The following RORA variants were observed in gnomAD, a reference collection of about 807,000 sequenced individuals.
The protein encoded by RORA is nuclear receptor ROR-alpha.
In RORA, 7 loss-of-function variants were observed where a neutral mutation model predicts 69.5. That is an observed-to-expected ratio of 0.10 (90% confidence interval 0.06 to 0.19). RORA has a LOEUF of 0.19. Among genes scored for constraint, RORA ranks in the 10% least tolerant of loss-of-function variants. The pLI is 1.00. For synonymous variants in RORA, 261 were observed against 240.8 expected (o/e 1.08, Z -0.78); for missense variants, 457 against 663.0 (o/e 0.69, Z 3.41).
At chr15:61,022,926 T>C (rs1895610446) in intron 1 of RORA, among the ~76,000 whole-genome samples, 2 of 152,088 alleles carry the variant, frequency 1.3e-5, no homozygotes, top group Non-Finnish European at 1.5e-5. Context: ...GGCCCACACC[T>C]GCAATCCCAG....
intron 1 of RORA, among the ~76,000 whole-genome samples, chr15:61,201,351 T>C (rs1567035309): frequency 6.6e-6 from 1 of 152,192 alleles, no homozygotes; most frequent in African/African-American, 2.4e-5. Context: ...AGGCCTGGGT[T>C]AGGGGAGTCA....
intron 2 of RORA, among the ~76,000 whole-genome samples, chr15:60,609,794 G>A (rs1406411245): frequency 6.6e-6 from 1 of 152,200 alleles, no homozygotes; most frequent in African/African-American, 2.4e-5. Flanking sequence ...CTGGGAAAGT[G>A]GGGACAGAGA....
intron 2 of RORA, among the ~76,000 whole-genome samples, chr15:60,566,560 G>T (rs990682489): frequency 2.6e-5 from 4 of 152,144 alleles, no homozygotes; most frequent in African/African-American, 9.7e-5. Flanking sequence ...AATAAAGTTG[G>T]GTTCCTAGCC....
intron 2 of RORA, among the ~76,000 whole-genome samples, chr15:60,543,559 A>T (rs151113629): frequency 0.022 from 3,409 of 151,912 alleles, 113 homozygotes; most frequent in African/African-American, 0.07. Context: ...GCTCACTGCA[A>T]CCTCCACTTC....
At chr15:61,090,867 C>T (rs578024120) in intron 1 of RORA, among the ~76,000 whole-genome samples, 154 of 152,094 alleles carry the variant, frequency 1.0e-3, no homozygotes, top group African/African-American at 3.6e-3. Context: ...AAACGCCCCC[C>T]AAAATTCACC....
chr15:60,635,440 T>A (rs953743090), intron 2 of RORA, among the ~76,000 whole-genome samples: 1 of 152,184 alleles, frequency 6.6e-6, no homozygotes, highest in Non-Finnish European at 1.5e-5. Context: ...GTTCTAGATA[T>A]TTAAAAAATA....
intron 1 of RORA, among the ~76,000 whole-genome samples, chr15:60,906,744 C>T (rs777107523): frequency 6.6e-6 from 1 of 152,094 alleles, no homozygotes; most frequent in African/African-American, 2.4e-5. Flanking sequence ...ATGGATACTA[C>T]GGCCACGGTG....
intron 1 of RORA, among the ~76,000 whole-genome samples, chr15:61,166,097 G>A (rs1308599255): frequency 2.0e-5 from 3 of 152,208 alleles, no homozygotes; most frequent in Non-Finnish European, 4.4e-5. Flanking sequence ...CCCAATGAAA[G>A]GATATTCCAG....
At chr15:61,081,001 A>G (rs1032223887) in intron 1 of RORA, among the ~76,000 whole-genome samples, 2 of 152,222 alleles carry the variant, frequency 1.3e-5, no homozygotes, top group Non-Finnish European at 2.9e-5. Flanking sequence ...CTCTGGGTCC[A>G]GAGACATTTT....
At chr15:60,574,743 C>A (rs1342926968) in intron 2 of RORA, among the ~76,000 whole-genome samples, 1 of 152,160 alleles carries the variant, frequency 6.6e-6, no homozygotes, top group Non-Finnish European at 1.5e-5. Context: ...TTATTATCAT[C>A]TTTATTTGAT....
At chr15:60,692,104 AT>A (rs2070836123) in intron 1 of RORA, among the ~76,000 whole-genome samples, 1 of 152,204 alleles carries the variant, frequency 6.6e-6, no homozygotes. Context: ...GAGTTTAACA[AT>A]TTCTCTCCTA....
chr15:60,676,129 G>T (rs1247942239), intron 2 of RORA, among the ~76,000 whole-genome samples: 1 of 152,136 alleles, frequency 6.6e-6, no homozygotes, highest in Non-Finnish European at 1.5e-5. Flanking sequence ...AAACGTATAG[G>T]CAAGTTAGGA....
intron 1 of RORA, among the ~76,000 whole-genome samples, chr15:61,180,857 G>A (rs2079678307): frequency 6.6e-6 from 1 of 152,150 alleles, no homozygotes; most frequent in Admixed American, 6.5e-5. Flanking sequence ...CCAGAACTTT[G>A]GGAGGCCAAA....
At position 61,227,722 on chromosome 15, in the gene RORA, A is replaced by T. The variant is rs562039337; in HGVS notation, c.166+1331T>A. On this transcript the variant is annotated intron_variant, in intron 1 of 10. Transcript: ENST00000335670. ...CCAACCGCCGCCAGAAGCCGAGTGCAAGAGGAGGGGGCGCGCTGGGCCGGT... is the reference window on the plus strand; with the variant it reads ...CCAACCGCCGCCAGAAGCCGAGTGCTAGAGGAGGGGGCGCGCTGGGCCGGT... Among the ~76,000 whole-genome samples, 10 of 152,294 alleles carry T rather than the reference A, an allele frequency of 6.6e-5. No individual in the cohort carries two copies. In the South Asian group the frequency reaches 1.7e-3, roughly 25 times the overall value.
intron 1 of RORA, among the ~76,000 whole-genome samples, chr15:61,123,981 T>A (rs1440263985): frequency 6.6e-6 from 1 of 152,214 alleles, no homozygotes; most frequent in Non-Finnish European, 1.5e-5. Context: ...CTTATCCTAC[T>A]AAATAAAATG....
intron 1 of RORA, among the ~76,000 whole-genome samples, chr15:60,834,348 T>C (rs2073086558): frequency 6.6e-6 from 1 of 152,164 alleles, no homozygotes; most frequent in South Asian, 2.1e-4. Context: ...ATGCTACAGA[T>C]CCAAGGTTAG....
At chr15:60,795,439 G>A (rs906425936) in intron 1 of RORA, among the ~76,000 whole-genome samples, 4 of 152,262 alleles carry the variant, frequency 2.6e-5, no homozygotes, top group East Asian at 1.9e-4. Flanking sequence ...GCCAAACCCC[G>A]GGAGAGTATT....
At chr15:61,114,373 A>C (rs897595856) in intron 1 of RORA, among the ~76,000 whole-genome samples, 1 of 152,216 alleles carries the variant, frequency 6.6e-6, no homozygotes, top group African/African-American at 2.4e-5. Context: ...GAAAAAGACC[A>C]GGTAATTTAT....
intron 1 of RORA, among the ~76,000 whole-genome samples, chr15:61,104,819 T>C (rs780795910): frequency 4.6e-5 from 7 of 152,186 alleles, no homozygotes; most frequent in Admixed American, 1.3e-4. Context: ...GCTCCCATAA[T>C]TCCCACATAC....
Sources: allele counts gnomAD v4.1 joint callset (sites outside exome capture counted in the v4.1 genomes callset), GRCh38; gene constraint gnomAD v4.1.1; transcripts MANE v1.5; gene names NCBI Gene and HGNC (gene_info 2026-07-23, HGNC 2026-07-21).